SORBS2: variants seen among roughly 807,000 people sequenced by gnomAD.
SORBS2 encodes sorbin and SH3 domain-containing protein 2.
SORBS2 carries 46 observed loss-of-function variants against 97.7 expected under a neutral mutation model. The ratio of observed to expected loss-of-function variants is 0.47; its 90% CI spans 0.37 to 0.60. The LOEUF is 0.60. Ranked by LOEUF, SORBS2 falls within the 20% of genes least tolerant of loss-of-function variation. The pLI is 0.00. For synonymous variants in SORBS2, 476 were observed against 473.4 expected, an observed-to-expected ratio of 1.01 and a Z score of -0.07; for missense variants, 1,316 against 1,282.3, an observed-to-expected ratio of 1.03 and a Z score of -0.40.
intron 1 of SORBS2, among the ~76,000 whole-genome samples, chr4:185,819,327 C>A (rs1220414813): frequency 6.6e-6 from 1 of 152,200 alleles, no homozygotes; most frequent in Non-Finnish European, 1.5e-5. Flanking sequence ...TACTTGTGCT[C>A]CAGCCATCAG....
At chr4:185,759,332 C>T (rs2098850194) in intron 2 of SORBS2, among the ~76,000 whole-genome samples, 1 of 152,202 alleles carries the variant, frequency 6.6e-6, no homozygotes, top group Non-Finnish European at 1.5e-5. Context: ...CAGTGATTCT[C>T]ACAATACCAT....
chr4:185,703,472 T>C (rs1366015675), intron 2 of SORBS2, among the ~76,000 whole-genome samples: 1 of 152,208 alleles, frequency 6.6e-6, no homozygotes, highest in Non-Finnish European at 1.5e-5. Context: ...AAAAGTCTAT[T>C]GGCTTTTGAA....
chr4:185,619,301 C>T (rs2096675247), intron 8 of SORBS2, among the ~76,000 whole-genome samples: 2 of 152,168 alleles, frequency 1.3e-5, no homozygotes, highest in Admixed American at 6.5e-5. Context: ...CTAGCTAGGC[C>T]AGCTCTTCCT....
rs1287224907 is a variant in SORBS2 at position 185,796,530 on chromosome 4, G to C, written c.-337-21164C>G. On this transcript the variant is annotated intron_variant, in intron 1 of 20. Transcript: ENST00000284776. ...GGGCGCTGTGGCCACGCTGTTCCCT[G>C]GTCACGGTGGGGCTGGGCATGCCTG... is the stretch of plus-strand genomic sequence containing the variant. Among the ~76,000 whole-genome samples the C allele has an allele frequency of 8.4e-5, 11 of 131,320 alleles. 1 individual carries two copies. The highest frequency in any genetic ancestry group is 1.2e-4 in the African/African-American group (4 of 34,482). The allele number at this position is 131,320 out of a possible 152,430, so 86.2% of individuals were successfully genotyped here.
intron 1 of SORBS2, among the ~76,000 whole-genome samples, chr4:185,826,532 G>A (rs1164543135): frequency 6.6e-6 from 1 of 152,158 alleles, no homozygotes; most frequent in Admixed American, 6.5e-5. Context: ...GAGCTACTGA[G>A]GATATGCGAA....
chr4:185,794,416 A>G (rs145123348), intron 1 of SORBS2, among the ~76,000 whole-genome samples: 42 of 152,340 alleles, frequency 2.8e-4, no homozygotes, highest in Non-Finnish European at 5.4e-4. Context: ...TGATCATTAA[A>G]TTTACATTTT....
intron 1 of SORBS2, among the ~76,000 whole-genome samples, chr4:185,930,999 G>A (rs529650988): frequency 6.6e-6 from 1 of 152,192 alleles, no homozygotes; most frequent in African/African-American, 2.4e-5. Flanking sequence ...GTAAGTTAGA[G>A]AATGCTGATT....
intron 1 of SORBS2, among the ~76,000 whole-genome samples, chr4:185,941,529 C>T (rs1869620): frequency 0.8 from 121,392 of 152,100 alleles, 50,112 homozygotes; most frequent in East Asian, 0.95. Context: ...CATACCTTTC[C>T]AGCATTGCTT....
rs1376322779 is a variant in SORBS2, at chr4:185,589,379, AT to A, written c.2953+299del. The A allele has an allele frequency of 2.0e-4, 66 of 332,116 alleles. 1 individual carries two copies. The highest frequency in any genetic ancestry group is 9.7e-4 in the Middle Eastern group (1 of 1,028). The allele number at this position is 332,116 out of a possible 1,614,324, so 20.6% of individuals were successfully genotyped here. A position where few individuals can be genotyped will look rare whatever the true frequency, so the allele number is the denominator to read the frequency against. ...CGTTGATATTTCTCTTCTGGGGACC[AT>A]TTGTTGTTGTTGTTCTTAGATCTCA... On this transcript the variant is annotated intron_variant, in intron 14 of 14. Coordinates refer to ENST00000418609, the Ensembl canonical transcript of SORBS2.
chr4:185,636,706 T>C (rs941951921), intron 4 of SORBS2, among the ~76,000 whole-genome samples: 17 of 150,486 alleles, frequency 1.1e-4, no homozygotes, highest in Non-Finnish European at 1.9e-4. Context: ...TGGAGTGCAG[T>C]GGCGTGATCC....
intron 1 of SORBS2, among the ~76,000 whole-genome samples, chr4:185,806,486 C>T (rs1325781059): frequency 8.3e-6 from 1 of 120,106 alleles, no homozygotes; most frequent in Non-Finnish European, 1.6e-5. Context: ...GAGACGGAGT[C>T]TCGCTCTGTC....
intron 1 of SORBS2, among the ~76,000 whole-genome samples, chr4:185,865,279 C>T (rs923584036): frequency 6.6e-6 from 1 of 152,138 alleles, no homozygotes; most frequent in Admixed American, 6.5e-5. Context: ...ACCGCGGCCC[C>T]CTGCACAGGA....
intron 2 of SORBS2, among the ~76,000 whole-genome samples, chr4:185,694,776 G>A (rs994377497): frequency 2.9e-5 from 4 of 139,774 alleles, no homozygotes; most frequent in South Asian, 2.5e-4. Flanking sequence ...GCATGATCTC[G>A]GCTCACTACA....
intron 4 of SORBS2, among the ~76,000 whole-genome samples, chr4:185,668,394 C>T (rs1339548338): frequency 1.3e-5 from 2 of 152,160 alleles, no homozygotes; most frequent in Non-Finnish European, 1.5e-5. Context: ...TTTTAATGCA[C>T]GTGTGTGTAT....
chr4:185,766,206 A>G (rs773657053), intron 2 of SORBS2, among the ~76,000 whole-genome samples: 4 of 152,126 alleles, frequency 2.6e-5, no homozygotes, highest in Non-Finnish European at 5.9e-5. Context: ...ATCTCCAACA[A>G]TTCCTGGCTG....
intron 2 of SORBS2, among the ~76,000 whole-genome samples, chr4:185,745,567 C>T (rs960464897): frequency 6.6e-6 from 1 of 152,092 alleles, no homozygotes; most frequent in Non-Finnish European, 1.5e-5. Flanking sequence ...TGATGGCGAC[C>T]TATTACAAAT....
At chr4:185,779,755 A>G (rs1485596385) in intron 1 of SORBS2, among the ~76,000 whole-genome samples, 1 of 152,202 alleles carries the variant, frequency 6.6e-6, no homozygotes, top group Non-Finnish European at 1.5e-5. Context: ...GGTCCCTGTC[A>G]TTCTAGTGGC....
At position 185,807,953 on chromosome 4, in the gene SORBS2, A is replaced by C. The variant is rs568281755; in HGVS notation, c.-337-32587T>G. The stretch of plus-strand genomic sequence containing the variant: ...ACTGAGACCTTTAAAAATATTATAA[A>C]TGACTTAAAATAGAAAATGTTAGAA... On this transcript the variant is annotated intron_variant, in intron 1 of 20. Coordinates refer to the SORBS2 transcript ENST00000284776. Among the ~76,000 whole-genome samples the C allele has an allele frequency of 7.7e-4, 117 of 152,324 alleles. 1 individual carries two copies. Among genetic ancestry groups the C allele is most frequent in the African/African-American group, 2.6e-3 (107 of 41,570 alleles).
chr4:185,870,691 C>T (rs970008636), intron 1 of SORBS2, among the ~76,000 whole-genome samples: 6 of 152,160 alleles, frequency 3.9e-5, no homozygotes, highest in East Asian at 1.9e-4. Context: ...GAGGGCTGCC[C>T]GGTGAATCCT....
Sources: allele counts gnomAD v4.1 joint callset (sites outside exome capture counted in the v4.1 genomes callset), GRCh38; gene constraint gnomAD v4.1.1; transcripts MANE v1.5; gene names NCBI Gene and HGNC (gene_info 2026-07-23, HGNC 2026-07-21).